Variants in H2AZ2 observed in about 807,000 individuals in gnomAD.
H2AZ2 encodes the protein H2A.Z variant histone 2, also known as histone H2A.V.
A neutral mutation model predicts 15.5 loss-of-function variants in H2AZ2; 5 were observed. The observed-to-expected ratio is 0.32, with a 90% CI of 0.17 to 0.68. H2AZ2 has a LOEUF of 0.68. Ranked by LOEUF, H2AZ2 falls within the 30% of genes least tolerant of loss-of-function variation. The pLI is 0.72. For missense variants in H2AZ2, 42 were observed against 162.5 expected, an observed-to-expected ratio of 0.26 and a Z score of 4.03; for synonymous variants, 44 against 57.4, an observed-to-expected ratio of 0.77 and a Z score of 1.05.
chr7:44,839,520 CA>C (rs551988538), intron 3 of H2AZ2, among the ~76,000 whole-genome samples: 175 of 140,706 alleles, frequency 1.2e-3, no homozygotes, highest in Middle Eastern at 3.6e-3. Context: ...ACTAAAAATA[CA>C]AAAAAAAAAA....
intron 3 of H2AZ2, among the ~76,000 whole-genome samples, chr7:44,839,889 G>A (rs924040837): frequency 6.0e-4 from 91 of 150,980 alleles, no homozygotes; most frequent in Non-Finnish European, 1.5e-4. Context: ...TGTAATCCCA[G>A]TTACTGGGGA....
At chr7:44,843,414 T>C in intron 1 of H2AZ2, 60 bp from the exon 2 acceptor site, 2 of 1,154,158 alleles carry the variant, frequency 1.7e-6, no homozygotes, top group South Asian at 2.6e-5. Context: ...TTCAAAAATA[T>C]TCTGGAAACA....
chr7:44,828,749 G>A (rs1792960909), downstream of H2AZ2: 1 of 152,228 alleles, frequency 6.6e-6, no homozygotes, highest in African/African-American at 2.4e-5. Flanking sequence ...TAGGTGAGAA[G>A]TGTGGCATAG....
At chr7:44,838,417 G>A (rs1353952093) in intron 3 of H2AZ2, among the ~76,000 whole-genome samples, 1 of 152,040 alleles carries the variant, frequency 6.6e-6, no homozygotes, top group African/African-American at 2.4e-5. Flanking sequence ...TTGGGAGGCT[G>A]GGGCGGACAG....
At chr7:44,847,443 T>G (rs1277231304) in intron 1 of H2AZ2, among the ~76,000 whole-genome samples, 1 of 152,210 alleles carries the variant, frequency 6.6e-6, no homozygotes, top group African/African-American at 2.4e-5. Flanking sequence ...TGCAATCACC[T>G]AGAACAAATC....
At chr7:44,845,585 T>C (rs548889434) in intron 1 of H2AZ2, among the ~76,000 whole-genome samples, 88 of 152,268 alleles carry the variant, frequency 5.8e-4, no homozygotes, top group African/African-American at 2.1e-3. Flanking sequence ...AAGTAGTCAC[T>C]AATAAAAAGC....
intron 2 of H2AZ2, among the ~76,000 whole-genome samples, chr7:44,842,353 C>A (rs1793293855): frequency 1.3e-5 from 2 of 152,162 alleles, no homozygotes; most frequent in Admixed American, 6.6e-5. Context: ...TCTCAAATTC[C>A]TAATTCTATC....
intron 3 of H2AZ2, among the ~76,000 whole-genome samples, chr7:44,837,836 G>C (rs1455237246): frequency 1.3e-5 from 1 of 79,924 alleles, no homozygotes; most frequent in Non-Finnish European, 4.1e-5. Flanking sequence ...AAAAAAGGGG[G>C]GGGGGGCTTA....
At chr7:44,834,616 TAA>T (rs1408633093) in intron 4 of H2AZ2, 54 bp from the exon 5 acceptor site, 1 of 1,460,016 alleles carries the variant, frequency 6.8e-7, no homozygotes, top group Admixed American at 1.9e-5. Context: ...TTGCCTCAAG[TAA>T]AAAGTTAATT....
intron 3 of H2AZ2, among the ~76,000 whole-genome samples, chr7:44,837,437 A>G (rs1305111529): frequency 6.0e-5 from 7 of 117,468 alleles, no homozygotes; most frequent in African/African-American, 2.2e-4. Flanking sequence ...AAAAAAGAAA[A>G]AAAAAAAAAA....
chr7:44,842,876 C>G (rs988034067), intron 2 of H2AZ2, among the ~76,000 whole-genome samples: 3 of 152,078 alleles, frequency 2.0e-5, no homozygotes, highest in Admixed American at 1.3e-4. Context: ...CGCGGTGGCT[C>G]ATGCCTGTAA....
chr7:44,833,773 T>A lies in H2AZ2; in HGVS notation c.*728A>T. On this transcript the variant is annotated 3_prime_UTR_variant, in exon 5 of 5. Transcript: ENST00000308153. ...AATCCTAGCTCTGTCATTTTCTATC[T>A]ACCAGTTCAATGTTTTTTGGCATAG... The A allele has an allele frequency of 1.2e-6, 1 of 835,618 alleles. No homozygotes were observed. Among genetic ancestry groups the A allele is most frequent in the Non-Finnish European group, 1.4e-6 (1 of 693,570 alleles). 51.8% of individuals were successfully genotyped at this position (835,618 alleles called of 1,614,324 possible).
chr7:44,845,899 TATA>T (rs1321704884), intron 1 of H2AZ2, among the ~76,000 whole-genome samples: 1 of 152,104 alleles, frequency 6.6e-6, no homozygotes. Context: ...AAACTGTATA[TATA>T]GCCTCCCTAC....
intron 2 of H2AZ2, among the ~76,000 whole-genome samples, chr7:44,842,106 G>A (rs1793288796): frequency 6.6e-6 from 1 of 152,002 alleles, no homozygotes; most frequent in Non-Finnish European, 1.5e-5. Context: ...GCTTCTTAAG[G>A]GCAAGATTTA....
At chr7:44,839,964 T>C (rs573060620) in intron 3 of H2AZ2, among the ~76,000 whole-genome samples, 1 of 151,028 alleles carries the variant, frequency 6.6e-6, no homozygotes, top group East Asian at 1.9e-4. Context: ...GATTGTGCCA[T>C]TGCACTCCAC....
At chr7:44,827,700 A>G (rs1161594238), downstream of H2AZ2, 1 of 152,192 alleles carries the variant, frequency 6.6e-6, no homozygotes, top group African/African-American at 2.4e-5. Flanking sequence ...CTATCACCAT[A>G]TCAACAGGAA....
chr7:44,841,604 G>A (rs1793277582), intron 2 of H2AZ2, among the ~76,000 whole-genome samples: 1 of 152,082 alleles, frequency 6.6e-6, no homozygotes, highest in African/African-American at 2.4e-5. Flanking sequence ...CCGCCTCCCG[G>A]GTTCAGGCGA....
intron 4 of H2AZ2, 149 bp from the exon 5 acceptor site, chr7:44,834,711 GT>G: frequency 3.2e-6 from 2 of 616,784 alleles, no homozygotes; most frequent in Middle Eastern, 4.7e-4. Context: ...CACCCCAGGG[GT>G]CTGTGAACCC....
At chr7:44,840,123 G>T (rs1346552615) in intron 3 of H2AZ2, among the ~76,000 whole-genome samples, 1 of 152,070 alleles carries the variant, frequency 6.6e-6, no homozygotes, top group Non-Finnish European at 1.5e-5. Flanking sequence ...GAACCCAGGA[G>T]GTTTGAGGTT....
Sources: allele counts gnomAD v4.1 joint callset (sites outside exome capture counted in the v4.1 genomes callset), GRCh38; gene constraint gnomAD v4.1.1; transcripts MANE v1.5; gene names NCBI Gene and HGNC (gene_info 2026-07-23, HGNC 2026-07-21).